Variants in TENM4 observed in about 807,000 individuals in gnomAD.
The protein encoded by TENM4 is teneurin transmembrane protein 4, also known as teneurin-4.
Under a neutral mutation model 243.3 loss-of-function variants are expected in TENM4, and 82 were observed. The observed-to-expected ratio is 0.34, with a 90% confidence interval of 0.28 to 0.40. The LOEUF (loss-of-function observed/expected upper bound fraction) is 0.40. Among genes scored for constraint, TENM4 ranks in the 10% least tolerant of loss-of-function variants. The pLI is 1.00. For missense variants in TENM4, 3,138 were observed against 3,673.3 expected, an observed-to-expected ratio of 0.85 and a Z score of 3.77; for synonymous variants, 1,412 against 1,456.3, an observed-to-expected ratio of 0.97 and a Z score of 0.69.
chr11:79,107,887 G>A (rs563000309), intron 4 of TENM4, among the ~76,000 whole-genome samples: 1 of 152,302 alleles, frequency 6.6e-6, no homozygotes, highest in Admixed American at 6.5e-5. Flanking sequence ...ACTTGTCTGA[G>A]GCCACACAGC....
At chr11:79,376,184 A>G (rs1331261955) in intron 1 of TENM4, among the ~76,000 whole-genome samples, 1 of 152,244 alleles carries the variant, frequency 6.6e-6, no homozygotes, top group Non-Finnish European at 1.5e-5. Context: ...AAGCCCTGTC[A>G]GCTGCAGAGA....
intron 1 of TENM4, among the ~76,000 whole-genome samples, chr11:79,326,812 G>A (rs373525999): frequency 3.2e-4 from 48 of 152,234 alleles, no homozygotes; most frequent in African/African-American, 1.2e-3. Flanking sequence ...CCTTCTTTTG[G>A]GAAGGAACCA....
intron 3 of TENM4, among the ~76,000 whole-genome samples, chr11:79,161,193 ATC>A (rs1862739471): frequency 6.6e-6 from 1 of 152,198 alleles, no homozygotes; most frequent in Non-Finnish European, 1.5e-5. Flanking sequence ...CACTGTTCTG[ATC>A]TCTGTTAAAG....
At position 79,195,600 on chromosome 11, in the gene TENM4, C is replaced by A. The variant is rs113071439; in HGVS notation, c.-163+20208G>T. Among the ~76,000 whole-genome samples, 642 of 152,184 alleles carry A rather than the reference C, an allele frequency of 4.2e-3. 5 individuals are homozygous for A. The highest frequency in any genetic ancestry group is 0.015 in the African/African-American group (618 of 41,540). On this transcript the variant is annotated intron_variant, in intron 3 of 33. Coordinates refer to ENST00000278550, the MANE Select transcript of TENM4 (RefSeq NM_001098816.3). The stretch of plus-strand genomic sequence containing the variant: ...TTTGGACTTTCATGGGCCCTGTAAC[C>A]CCTTTGTTTTGGCCAATTTCTCCCA...
chr11:79,197,589 T>C (rs145014718), intron 3 of TENM4, among the ~76,000 whole-genome samples: 1 of 152,296 alleles, frequency 6.6e-6, no homozygotes, highest in East Asian at 1.9e-4. Context: ...CACCTAATCC[T>C]TTCCACTTCC....
chr11:78,669,672 A>C lies in TENM4; in HGVS notation c.6673T>G (p.Leu2225Val). Residue 2225 changes from leucine (L) to valine (V), a missense_variant, in exon 32 of 34, where the codon TTA (leucine) becomes GTA (valine). By Grantham distance (32) the Leu-to-Val change is conservative. This residue lies in a region of TENM4 where 2,467 missense variants were observed against 3,059.1 expected (regional missense o/e 0.81). Coordinates refer to ENST00000278550, the MANE Select transcript of TENM4 (RefSeq NM_001098816.3). This position sits in a 1 kb window ranked among gnomAD's most constrained non-coding sequence, Gnocchi z 6.4. ...CGTGCACTGTTCCCAGGGCTCAGTAAGTGCAGGTTCCCATTGAGGTCGTAG... is the reference window on the plus strand; with the variant it reads ...CGTGCACTGTTCCCAGGGCTCAGTACGTGCAGGTTCCCATTGAGGTCGTAG... ...YSYDLNGNLH[L>V]LSPGNSARLT... The C allele has an allele frequency of 2.5e-6, 4 of 1,613,984 alleles. No homozygotes were observed. Among genetic ancestry groups the C allele is most frequent in the Non-Finnish European group, 3.4e-6 (4 of 1,179,900 alleles).
chr11:79,283,158 A>G (rs373644588), intron 2 of TENM4, among the ~76,000 whole-genome samples: 31 of 151,930 alleles, frequency 2.0e-4, no homozygotes, highest in South Asian at 8.3e-4. Context: ...AACTCATTCT[A>G]TGAGACCAGC....
chr11:79,265,540 C>T (rs1173870115), intron 2 of TENM4, among the ~76,000 whole-genome samples: 1 of 80,180 alleles, frequency 1.2e-5, no homozygotes, highest in Non-Finnish European at 2.9e-5. Context: ...AATTAATTTC[C>T]CCTGTTTCTG....
intron 12 of TENM4, among the ~76,000 whole-genome samples, chr11:78,853,615 C>T (rs933024698): frequency 3.9e-5 from 6 of 152,176 alleles, no homozygotes; most frequent in African/African-American, 1.4e-4. Context: ...TTCATCCAGC[C>T]TTTTGCACTG....
At chr11:79,246,868 A>G (rs1855525451) in intron 2 of TENM4, among the ~76,000 whole-genome samples, 1 of 101,034 alleles carries the variant, frequency 9.9e-6, no homozygotes. Flanking sequence ...CTTTGGGAAT[A>G]TTACCGGTGT....
rs561203634 is a variant in TENM4, at chr11:78,805,674, A to G, written c.1979-182T>C. ...ATGGCAGACCTGGCTTCCCAACTCC[A>G]CCCAGGTAGAAATCCCTACCACTTC... On this transcript the variant is annotated intron_variant, in intron 14 of 33. Transcript: ENST00000278550. Among the ~76,000 whole-genome samples the G allele has an allele frequency of 2.0e-5, 3 of 152,250 alleles. No homozygotes were observed. The East Asian group carries it at 5.8e-4, about 29-fold the overall frequency.
intron 2 of TENM4, among the ~76,000 whole-genome samples, chr11:79,237,067 G>A (rs974116242): frequency 3.9e-5 from 6 of 152,144 alleles, no homozygotes; most frequent in South Asian, 2.1e-4. Context: ...CTAATATCCT[G>A]TATTAAATCC....
At chr11:79,125,339 T>A (rs1291119899) in intron 4 of TENM4, among the ~76,000 whole-genome samples, 1 of 152,172 alleles carries the variant, frequency 6.6e-6, no homozygotes, top group East Asian at 1.9e-4. Flanking sequence ...TTCCATCTCC[T>A]GGCTTCAGAA....
chr11:78,890,731 C>T (rs1311628656), intron 8 of TENM4, among the ~76,000 whole-genome samples: 2 of 152,176 alleles, frequency 1.3e-5, no homozygotes, highest in African/African-American at 2.4e-5. Flanking sequence ...ATGAGGGCAG[C>T]GGGGTATGGT....
chr11:79,106,489 G>A (rs1861372144), intron 4 of TENM4, among the ~76,000 whole-genome samples: 1 of 152,222 alleles, frequency 6.6e-6, no homozygotes, highest in African/African-American at 2.4e-5. Context: ...TTCCTGTTGT[G>A]TTGCTGGGAG....
chr11:78,712,784 T>G, intron 25 of TENM4, 70 bp from the exon 26 acceptor site: 1 of 1,421,272 alleles, frequency 7.0e-7, no homozygotes, highest in Non-Finnish European at 9.8e-7. Context: ...GATGTACAGA[T>G]GAACCCCTGG....
At chr11:79,038,080 G>A (rs1859432385) in intron 6 of TENM4, among the ~76,000 whole-genome samples, 1 of 152,210 alleles carries the variant, frequency 6.6e-6, no homozygotes, top group Non-Finnish European at 1.5e-5. Flanking sequence ...GCTGGACAAA[G>A]GAAGCCGGAG....
rs149744277 is a variant in TENM4 at position 78,884,565 on chromosome 11, T to G, written c.1084+5220A>C. Among the ~76,000 whole-genome samples, 16 of 152,346 alleles carry G rather than the reference T, an allele frequency of 1.1e-4. No homozygotes were observed. The East Asian group carries it at 2.5e-3, about 24-fold the overall frequency. ...TACTGGCTATGTGACCCAGGCAAGT[T>G]GCAAACTTCTCTGAGCTTTAGTTTC... On this transcript the variant is annotated intron_variant, in intron 9 of 33. Coordinates refer to ENST00000278550, the MANE Select transcript of TENM4 (RefSeq NM_001098816.3).
At chr11:79,151,967 G>T (rs1862520251) in intron 3 of TENM4, among the ~76,000 whole-genome samples, 1 of 152,124 alleles carries the variant, frequency 6.6e-6, no homozygotes, top group African/African-American at 2.4e-5. Flanking sequence ...ATGAGTGACT[G>T]ATTGATTAAA....
Sources: gnomAD v4.1 joint callset for allele counts (sites outside exome capture counted in the v4.1 genomes callset) on GRCh38, gnomAD v4.1.1 for gene constraint, gnomAD v4.1.1 regional missense constraint, Gnocchi (gnomAD v3.1) non-coding constraint, MANE v1.5 for transcripts, NCBI Gene and HGNC (gene_info 2026-07-23, HGNC 2026-07-21) for gene names.